The following PRKAR1A variants were observed in gnomAD, a reference collection of about 807,000 sequenced individuals.
PRKAR1A encodes the protein protein kinase cAMP-dependent type I regulatory subunit alpha.
PRKAR1A carries 3 observed loss-of-function variants against 52.0 expected under a neutral mutation model. The observed-to-expected ratio is 0.06, with a 90% confidence interval of 0.03 to 0.15. The LOEUF (loss-of-function observed/expected upper bound fraction) is 0.15. Among genes scored for constraint, PRKAR1A ranks in the 10% least tolerant of loss-of-function variants. The pLI, the probability that PRKAR1A is intolerant of heterozygous loss-of-function variation, is 1.00. For synonymous variants in PRKAR1A, 188 were observed against 168.4 expected, an observed-to-expected ratio of 1.12 and a Z score of -0.90; for missense variants, 240 against 477.4, an observed-to-expected ratio of 0.50 and a Z score of 4.63.
upstream of PRKAR1A, among the ~76,000 whole-genome samples, chr17:68,510,702 T>C (rs969460309): frequency 1.3e-5 from 2 of 152,180 alleles, no homozygotes; most frequent in African/African-American, 4.8e-5. Flanking sequence ...TATCCCCATT[T>C]CTGATCAACC....
chr17:68,542,876 C>T lies in PRKAR1A; in HGVS notation c.974-8208C>T, dbSNP rs576833825. 44 of 1,249,426 alleles carry T rather than the reference C, an allele frequency of 3.5e-5. No individual in the cohort carries two copies. The Admixed American group carries it at 5.6e-4, about 16-fold the overall frequency. The allele number at this position is 1,249,426 out of a possible 1,614,324, so 77.4% of individuals were successfully genotyped here. On this transcript the variant is annotated intron_variant, in intron 11 of 11. Transcript: ENST00000585981. ...GGAGTGAGGAGGAGGGGTTTTGTCCCCCGGCCAGTGCACATTAGGAATTGG... is the reference window on the plus strand; with the variant it reads ...GGAGTGAGGAGGAGGGGTTTTGTCCTCCGGCCAGTGCACATTAGGAATTGG...
intron 11 of PRKAR1A, chr17:68,540,497 C>T (rs565126139): frequency 2.7e-5 from 13 of 474,436 alleles, no homozygotes; most frequent in Admixed American, 9.3e-5. Flanking sequence ...TCCGTGGCCT[C>T]GCCTGAGGCC....
rs2015212 is a variant in PRKAR1A at position 68,540,608 on chromosome 17, C to T, written c.974-10476C>T. 86,196 of 606,694 alleles carry T rather than the reference C, an allele frequency of 0.14. 6,537 individuals are homozygous for T. The highest frequency in any genetic ancestry group is 0.19 in the South Asian group (12,329 of 65,890). The allele number at this position is 606,694 out of a possible 1,614,324, so 37.6% of individuals were successfully genotyped here. On this transcript the variant is annotated intron_variant, in intron 11 of 11. Coordinates refer to the PRKAR1A transcript ENST00000585981. ...TTCCAATCTGACGCCCACTCAGGCC[C>T]GTGGCAGGGTGAGATGCCTGCCTTA...
At chr17:68,501,776 C>G in the PRKAR1A span, among the ~76,000 whole-genome samples, 4 of 152,188 alleles carry the variant, frequency 2.6e-5, no homozygotes, top group Non-Finnish European at 5.9e-5. Context: ...TCTTAAACTT[C>G]CGACCAGCAA....
chr17:68,425,764 A>T, the PRKAR1A span, among the ~76,000 whole-genome samples: 1 of 152,210 alleles, frequency 6.6e-6, no homozygotes, highest in African/African-American at 2.4e-5. Flanking sequence ...CCTTCCAGGC[A>T]GCAAAGTCAG....
chr17:68,456,808 G>T, the PRKAR1A span, among the ~76,000 whole-genome samples: 3,074 of 152,298 alleles, frequency 0.02, 104 homozygotes, highest in African/African-American at 0.07. Context: ...GATGGGACAG[G>T]GGCTGGCCTG....
chr17:68,420,652 G>T, the PRKAR1A span: 1 of 685,816 alleles, frequency 1.5e-6, no homozygotes, highest in Non-Finnish European at 2.4e-6. Flanking sequence ...GCTGAGCTGC[G>T]CTGGCTCTGG....
intron 11 of PRKAR1A, chr17:68,541,063 T>TGC: frequency 6.6e-7 from 1 of 1,507,146 alleles, no homozygotes; most frequent in Non-Finnish European, 8.9e-7. Context: ...TCCCTGATCC[T>TGC]GCCCTGGGCT....
chr17:68,463,980 AG>A, the PRKAR1A span, among the ~76,000 whole-genome samples: 1 of 152,208 alleles, frequency 6.6e-6, no homozygotes, highest in Non-Finnish European at 1.5e-5. Flanking sequence ...GTACTTTCCA[AG>A]CTTATTTAAA....
chr17:68,519,894 A>G (rs1206242032), intron 2 of PRKAR1A, among the ~76,000 whole-genome samples: 1 of 152,212 alleles, frequency 6.6e-6, no homozygotes, highest in Non-Finnish European at 1.5e-5. Context: ...GATTTTCAGC[A>G]TTTTATAGAC....
the PRKAR1A span, among the ~76,000 whole-genome samples, chr17:68,436,143 T>C: frequency 1.3e-5 from 2 of 152,244 alleles, no homozygotes; most frequent in Non-Finnish European, 2.9e-5. Context: ...GGCCCCCTGC[T>C]GGCAAGTGGT....
the PRKAR1A span, among the ~76,000 whole-genome samples, chr17:68,432,139 AT>A: frequency 1.3e-5 from 2 of 152,170 alleles, no homozygotes; most frequent in Non-Finnish European, 2.9e-5. Context: ...ACCTGTGCAG[AT>A]TGGGGGTTGG....
At chr17:68,431,378 C>T in the PRKAR1A span, among the ~76,000 whole-genome samples, 34,557 of 151,608 alleles carry the variant, frequency 0.23, 4,574 homozygotes, top group Middle Eastern at 0.35. Flanking sequence ...GCATGGAGCC[C>T]GGCACGTGGC....
the PRKAR1A span, among the ~76,000 whole-genome samples, chr17:68,463,207 A>G: frequency 1.3e-5 from 2 of 151,706 alleles, no homozygotes; most frequent in Non-Finnish European, 2.9e-5. Flanking sequence ...GGTTGGGGGG[A>G]CACCTCAGGA....
the PRKAR1A span, among the ~76,000 whole-genome samples, chr17:68,497,354 G>A: frequency 6.6e-6 from 1 of 152,006 alleles, no homozygotes; most frequent in African/African-American, 2.4e-5. Flanking sequence ...TTTGACCGTT[G>A]ACAGAAAAAA....
the PRKAR1A span, among the ~76,000 whole-genome samples, chr17:68,465,147 T>C: frequency 9.8e-3 from 1,491 of 151,984 alleles, 24 homozygotes; most frequent in African/African-American, 0.033. Context: ...TTAGCCAGGA[T>C]GGTCTCCATC....
At chr17:68,511,683 G>A (rs1176060869), upstream of PRKAR1A, 2 of 152,216 alleles carry the variant, frequency 1.3e-5, no homozygotes, top group Non-Finnish European at 2.9e-5. Flanking sequence ...AGCGGCCCCA[G>A]CGGAGACTCG....
the PRKAR1A span, among the ~76,000 whole-genome samples, chr17:68,488,188 G>A: frequency 6.6e-6 from 1 of 152,228 alleles, no homozygotes; most frequent in South Asian, 2.1e-4. Flanking sequence ...GGAGGGAACA[G>A]CCTGCCCTGA....
At chr17:68,499,050 G>A in the PRKAR1A span, among the ~76,000 whole-genome samples, 1 of 152,122 alleles carries the variant, frequency 6.6e-6, no homozygotes, top group African/African-American at 2.4e-5. Context: ...TACCTCAAAA[G>A]GTGCTGTGAG....
Sources: gnomAD v4.1 joint callset for allele counts (sites outside exome capture counted in the v4.1 genomes callset) on GRCh38, gnomAD v4.1.1 for gene constraint, MANE v1.5 for transcripts, NCBI Gene and HGNC (gene_info 2026-07-23, HGNC 2026-07-21) for gene names.